The following PID1 variants were observed in gnomAD, a reference collection of about 807,000 sequenced individuals.
PID1 encodes the protein PTB-containing, cubilin and LRP1-interacting protein.
A neutral mutation model predicts 19.1 loss-of-function variants in PID1; 10 were observed. The ratio of observed to expected loss-of-function variants is 0.52; its 90% CI spans 0.32 to 0.89. The LOEUF (loss-of-function observed/expected upper bound fraction) is 0.89, where lower values mean the gene tolerates loss of function less well. PID1 is among the 40% of genes least tolerant of loss of function. The probability of loss-of-function intolerance (pLI) is 0.03; values close to 1 mark genes in which losing one functional copy is unlikely to be tolerated. For synonymous variants in PID1, 130 were observed against 116.0 expected (o/e 1.12, Z -0.78); for missense variants, 248 against 285.3 (o/e 0.87, Z 0.94).
intron 2 of PID1, among the ~76,000 whole-genome samples, chr2:229,143,793 C>A (rs1032957664): frequency 2.9e-4 from 44 of 152,044 alleles, no homozygotes; most frequent in African/African-American, 1.1e-3. Context: ...TTCCCCAACC[C>A]CTGCTGCTAT....
At chr2:229,109,272 T>G (rs1188991045) in intron 2 of PID1, among the ~76,000 whole-genome samples, 1 of 152,108 alleles carries the variant, frequency 6.6e-6, no homozygotes, top group African/African-American at 2.4e-5. Flanking sequence ...GGGTTACGGG[T>G]GATTTCAAGC....
chr2:229,082,919 G>A (rs1161681419), intron 2 of PID1, among the ~76,000 whole-genome samples: 2 of 152,062 alleles, frequency 1.3e-5, no homozygotes, highest in Non-Finnish European at 2.9e-5. Flanking sequence ...GCATTAATTT[G>A]TTATAGTGGC....
At chr2:229,039,841 T>C (rs146320494) in intron 2 of PID1, among the ~76,000 whole-genome samples, 4 of 152,308 alleles carry the variant, frequency 2.6e-5, no homozygotes, top group African/African-American at 9.6e-5. Flanking sequence ...GGAACTATCA[T>C]TCTATAACAA....
At chr2:229,071,598 C>T (rs1046515547) in intron 2 of PID1, among the ~76,000 whole-genome samples, 4 of 152,208 alleles carry the variant, frequency 2.6e-5, no homozygotes, top group Non-Finnish European at 5.9e-5. Context: ...TTTGTTTTAT[C>T]ATCTTTCTGC....
At chr2:229,249,443 T>C (rs944809554) in intron 1 of PID1, among the ~76,000 whole-genome samples, 5 of 152,180 alleles carry the variant, frequency 3.3e-5, no homozygotes, top group Admixed American at 2.0e-4. Context: ...TTATAAAATA[T>C]CATTAGTTTA....
chr2:229,236,107 C>T (rs1689660918), intron 1 of PID1, among the ~76,000 whole-genome samples: 1 of 152,090 alleles, frequency 6.6e-6, no homozygotes, highest in Non-Finnish European at 1.5e-5. Flanking sequence ...GATGAGCATA[C>T]AAGTCTACCA....
At chr2:229,211,455 T>A (rs1691731697) in intron 1 of PID1, among the ~76,000 whole-genome samples, 1 of 152,152 alleles carries the variant, frequency 6.6e-6, no homozygotes, top group South Asian at 2.1e-4. Context: ...TGCATGCTTG[T>A]GGTTTTCTTA....
At chr2:229,246,030 A>C (rs962957531) in intron 1 of PID1, among the ~76,000 whole-genome samples, 1 of 152,216 alleles carries the variant, frequency 6.6e-6, no homozygotes, top group African/African-American at 2.4e-5. Flanking sequence ...ACCTGAACAA[A>C]TAAGAGTTAT....
intron 1 of PID1, among the ~76,000 whole-genome samples, chr2:229,239,896 T>C (rs1689827549): frequency 6.6e-6 from 1 of 152,146 alleles, no homozygotes; most frequent in African/African-American, 2.4e-5. Flanking sequence ...AATGATTTTA[T>C]TGTAATCCAA....
chr2:229,250,926 T>C (rs1187552279), intron 1 of PID1, among the ~76,000 whole-genome samples: 1 of 152,190 alleles, frequency 6.6e-6, no homozygotes, highest in Non-Finnish European at 1.5e-5. Flanking sequence ...AAAACTCAGT[T>C]TGGCTCCTCA....
chr2:229,253,591 C>CA (rs59530496), intron 1 of PID1, among the ~76,000 whole-genome samples: 8,163 of 128,376 alleles, frequency 0.064, 266 homozygotes, highest in Middle Eastern at 0.13. Flanking sequence ...AAATTCCAAG[C>CA]AAAAAAAAAA....
At position 229,067,520 on chromosome 2, in the gene PID1, T is replaced by C. The variant is rs558548992; in HGVS notation, c.178-41412A>G. On this transcript the variant is annotated intron_variant, in intron 2 of 2. Coordinates refer to ENST00000392055, the MANE Select transcript of PID1 (RefSeq NM_001100818.2). ...TCCATTGCAGCTTGTACAATTCTCTTTACTCCCATAGCCCCACCAAAGGCC... is the reference window on the plus strand; with the variant it reads ...TCCATTGCAGCTTGTACAATTCTCTCTACTCCCATAGCCCCACCAAAGGCC... 2.6e-5 allele frequency among the ~76,000 whole-genome samples: 4 copies of C among 152,122 alleles called. No individual in the cohort carries two copies. In the South Asian group the frequency reaches 8.3e-4, roughly 32 times the overall value.
chr2:229,140,785 A>G (rs182825877), intron 2 of PID1, among the ~76,000 whole-genome samples: 196 of 152,256 alleles, frequency 1.3e-3, no homozygotes, highest in South Asian at 3.7e-3. Flanking sequence ...GTTTTAAAAT[A>G]GTCATAATAA....
intron 1 of PID1, among the ~76,000 whole-genome samples, chr2:229,195,612 A>C: frequency 6.6e-6 from 1 of 151,928 alleles, no homozygotes; most frequent in East Asian, 1.9e-4. Flanking sequence ...GCTTAGTGAT[A>C]TGTCCTAGAG....
intron 1 of PID1, among the ~76,000 whole-genome samples, chr2:229,232,459 T>C (rs1437585463): frequency 1.6e-5 from 1 of 62,980 alleles, no homozygotes; most frequent in African/African-American, 5.5e-5. Context: ...AAAAAAAAAG[T>C]CTCTCTTAAG....
At chr2:229,145,411 G>A (rs916446256) in intron 2 of PID1, among the ~76,000 whole-genome samples, 1 of 151,674 alleles carries the variant, frequency 6.6e-6, no homozygotes, top group African/African-American at 2.4e-5. Flanking sequence ...GTCTACCATA[G>A]TGGAAATATA....
chr2:229,147,601 C>T (rs988943923), intron 2 of PID1, among the ~76,000 whole-genome samples: 1 of 151,858 alleles, frequency 6.6e-6, no homozygotes, highest in Non-Finnish European at 1.5e-5. Flanking sequence ...TAAATATTTT[C>T]CATATCAATA....
intron 1 of PID1, among the ~76,000 whole-genome samples, chr2:229,191,669 G>T (rs146042267): frequency 4.6e-5 from 7 of 152,214 alleles, no homozygotes; most frequent in African/African-American, 1.4e-4. Context: ...AAATTAACAG[G>T]TTCAAAGCAC....
intron 2 of PID1, among the ~76,000 whole-genome samples, chr2:229,034,186 A>C (rs1392274514): frequency 1.3e-5 from 2 of 152,218 alleles, no homozygotes; most frequent in Admixed American, 6.5e-5. Flanking sequence ...CACAATAATA[A>C]ATTTTGGAGG....
Sources: gnomAD v4.1 joint callset for allele counts (sites outside exome capture counted in the v4.1 genomes callset) on GRCh38, gnomAD v4.1.1 for gene constraint, MANE v1.5 for transcripts, NCBI Gene and HGNC (gene_info 2026-07-23, HGNC 2026-07-21) for gene names.